ZBTB8A: variants seen among roughly 807,000 people sequenced by gnomAD.
The protein encoded by ZBTB8A is zinc finger and BTB domain-containing protein 8A.
ZBTB8A carries 19 observed loss-of-function variants against 37.8 expected under a neutral mutation model. The observed-to-expected ratio is 0.50, with a 90% CI of 0.35 to 0.74. The LOEUF (loss-of-function observed/expected upper bound fraction) is 0.74, where lower values mean the gene tolerates loss of function less well. Among genes scored for constraint, ZBTB8A ranks in the 30% least tolerant of loss-of-function variants. The pLI, the probability that ZBTB8A is intolerant of heterozygous loss-of-function variation, is 0.01. For synonymous variants in ZBTB8A, 181 were observed against 185.2 expected (o/e 0.98, Z 0.19); for missense variants, 394 against 537.8 (o/e 0.73, Z 2.65).
At chr1:32,570,776 T>C (rs1206753591) in intron 2 of ZBTB8A, among the ~76,000 whole-genome samples, 1 of 152,212 alleles carries the variant, frequency 6.6e-6, no homozygotes, top group African/African-American at 2.4e-5. Flanking sequence ...AATTCAGTTA[T>C]TTGTTCAAGA....
At chr1:32,581,006 T>C (rs1000195855) in intron 2 of ZBTB8A, among the ~76,000 whole-genome samples, 1 of 146,300 alleles carries the variant, frequency 6.8e-6, no homozygotes, top group Admixed American at 7.4e-5. Flanking sequence ...TTAATCTACC[T>C]CTTAATACTG....
chr1:32,595,600 C>A (rs1294949111), intron 4 of ZBTB8A, among the ~76,000 whole-genome samples: 1 of 149,418 alleles, frequency 6.7e-6, no homozygotes, highest in African/African-American at 2.5e-5. Flanking sequence ...GACAGGGTCT[C>A]TCTCTATCGC....
chr1:32,556,015 G>A (rs138078625), intron 2 of ZBTB8A, among the ~76,000 whole-genome samples: 2,296 of 150,086 alleles, frequency 0.015, 32 homozygotes, highest in Non-Finnish European at 0.017. Context: ...CTCAAGTGAC[G>A]CTCCCACCTC....
intron 2 of ZBTB8A, among the ~76,000 whole-genome samples, chr1:32,587,560 C>A (rs925489189): frequency 6.6e-6 from 1 of 151,932 alleles, no homozygotes; most frequent in Non-Finnish European, 1.5e-5. Context: ...GCAGGAGGAT[C>A]GTTTGAGCCC....
chr1:32,583,380 C>CAA (rs372221611), intron 2 of ZBTB8A, among the ~76,000 whole-genome samples: 11,194 of 67,916 alleles, frequency 0.16, 575 homozygotes, highest in African/African-American at 0.21. Flanking sequence ...GACCCTGTCT[C>CAA]AAAAAAAAAA....
At chr1:32,557,338 G>A (rs539335024) in intron 2 of ZBTB8A, among the ~76,000 whole-genome samples, 5 of 152,220 alleles carry the variant, frequency 3.3e-5, no homozygotes, top group African/African-American at 4.8e-5. Context: ...AATAATTTGT[G>A]TTTCTCTGGG....
At chr1:32,554,343 T>C (rs1172970363) in intron 2 of ZBTB8A, among the ~76,000 whole-genome samples, 1 of 151,978 alleles carries the variant, frequency 6.6e-6, no homozygotes, top group Admixed American at 6.6e-5. Flanking sequence ...TGCTAATTTT[T>C]TTTAATGACA....
chr1:32,565,251 A>G (rs1644269702), intron 2 of ZBTB8A, among the ~76,000 whole-genome samples: 1 of 152,170 alleles, frequency 6.6e-6, no homozygotes, highest in South Asian at 2.1e-4. Context: ...GCTTGAGCCC[A>G]GGACACTGAG....
At chr1:32,596,723 A>T (rs1260548217) in intron 4 of ZBTB8A, among the ~76,000 whole-genome samples, 1 of 152,236 alleles carries the variant, frequency 6.6e-6, no homozygotes, top group Non-Finnish European at 1.5e-5. Context: ...ATAATTATGT[A>T]TATTGATTTT....
At chr1:32,548,583 C>T (rs927521993) in intron 1 of ZBTB8A, among the ~76,000 whole-genome samples, 4 of 152,182 alleles carry the variant, frequency 2.6e-5, no homozygotes, top group Admixed American at 1.3e-4. Context: ...ATAAACCCGC[C>T]TCAGCTTCCC....
At chr1:32,597,062 A>G (rs1250723993) in intron 4 of ZBTB8A, among the ~76,000 whole-genome samples, 1 of 151,652 alleles carries the variant, frequency 6.6e-6, no homozygotes, top group Non-Finnish European at 1.5e-5. Context: ...GCTGGAGTGT[A>G]ATGGCGTGAT....
intron 1 of ZBTB8A, among the ~76,000 whole-genome samples, chr1:32,542,842 G>A (rs527303538): frequency 6.6e-6 from 1 of 152,182 alleles, no homozygotes; most frequent in East Asian, 1.9e-4. Context: ...TTTGGATTTT[G>A]GATGTCCCAT....
intron 2 of ZBTB8A, among the ~76,000 whole-genome samples, chr1:32,568,590 G>T (rs931308970): frequency 2.5e-4 from 38 of 152,048 alleles, no homozygotes; most frequent in African/African-American, 8.9e-4. Flanking sequence ...GTTTCACCAT[G>T]TTAGCCAGGA....
At chr1:32,586,268 G>A (rs1369642499) in intron 2 of ZBTB8A, among the ~76,000 whole-genome samples, 2 of 151,538 alleles carry the variant, frequency 1.3e-5, no homozygotes, top group Non-Finnish European at 1.5e-5. Context: ...GTGGTGAACC[G>A]AGATCTCGCC....
At chr1:32,564,554 C>G (rs1644265499) in intron 2 of ZBTB8A, among the ~76,000 whole-genome samples, 1 of 152,144 alleles carries the variant, frequency 6.6e-6, no homozygotes, top group African/African-American at 2.4e-5. Context: ...TCTCTATCCT[C>G]AGCCTTTGAC....
At chr1:32,584,888 C>G (rs941686038) in intron 2 of ZBTB8A, among the ~76,000 whole-genome samples, 1 of 151,924 alleles carries the variant, frequency 6.6e-6, no homozygotes, top group African/African-American at 2.4e-5. Flanking sequence ...GCTGTCATAG[C>G]CTCTTTTCCA....
At chr1:32,596,941 G>C (rs1308679203) in intron 4 of ZBTB8A, among the ~76,000 whole-genome samples, 1 of 152,090 alleles carries the variant, frequency 6.6e-6, no homozygotes, top group Non-Finnish European at 1.5e-5. Flanking sequence ...CTGAATCCTT[G>C]TCTGGTAGGA....
At chr1:32,539,636 G>A (rs1318748467) in intron 1 of ZBTB8A, 64 bp downstream of exon 1, 2 of 91,842 alleles carry the variant, frequency 2.2e-5, no homozygotes, top group African/African-American at 8.1e-5. Flanking sequence ...GGGACCCGCC[G>A]CGAGCCTGGC....
At chr1:32,595,277 T>C (rs1644521656) in intron 4 of ZBTB8A, 54 bp downstream of exon 4, 2 of 1,587,018 alleles carry the variant, frequency 1.3e-6, no homozygotes, top group African/African-American at 2.7e-5. Context: ...TTTTTGTTTT[T>C]GTTTTTTTGA....
Sources: gnomAD v4.1 joint callset for allele counts (sites outside exome capture counted in the v4.1 genomes callset) on GRCh38, gnomAD v4.1.1 for gene constraint, MANE v1.5 for transcripts, NCBI Gene and HGNC (gene_info 2026-07-23, HGNC 2026-07-21) for gene names.